BCAS3: variants seen among roughly 807,000 people sequenced by gnomAD.
BCAS3 encodes BCAS3 microtubule associated cell migration factor, also known as BCAS4/BCAS3 fusion.
BCAS3 carries 53 observed loss-of-function variants against 116.1 expected under a neutral mutation model. The ratio of observed to expected loss-of-function variants is 0.46; its 90% CI spans 0.37 to 0.57. The LOEUF is 0.57. BCAS3 is among the 20% of genes least tolerant of loss of function. The pLI is 0.00. For missense variants in BCAS3, 917 were observed against 1,165.4 expected (o/e 0.79, Z 3.10); for synonymous variants, 391 against 408.2 (o/e 0.96, Z 0.51).
chr17:61,286,232 C>T lies in BCAS3; in HGVS notation c.2426-82095C>T, dbSNP rs2051763044. Among the ~76,000 whole-genome samples the T allele has an allele frequency of 6.6e-6, 1 of 152,126 alleles. No individual in the cohort carries two copies. The highest frequency in any genetic ancestry group is 6.5e-5 in the Admixed American group (1 of 15,272). ...CTTGGGGAGCCTGCAGGGCGGGGTG[C>T]GGAGGGTCTGCGGGGGTGGGGCGCT... On this transcript the variant is annotated intron_variant, in intron 22 of 23. Transcript: ENST00000407086. The surrounding 1 kb of genome is among the most constrained non-coding windows in gnomAD (Gnocchi z 4.8).
chr17:61,274,415 A>G (rs2050602049), intron 22 of BCAS3, among the ~76,000 whole-genome samples: 1 of 149,778 alleles, frequency 6.7e-6, no homozygotes, highest in African/African-American at 2.5e-5. Context: ...CAGCCTCCTG[A>G]GTAGCTGGGA....
intron 14 of BCAS3, among the ~76,000 whole-genome samples, chr17:60,977,718 G>C (rs1488184455): frequency 7.1e-6 from 1 of 141,564 alleles, no homozygotes. Context: ...TGTTCTCATT[G>C]TTCAATTCCC....
chr17:60,977,016 G>T (rs960004869), intron 14 of BCAS3, among the ~76,000 whole-genome samples: 2 of 151,828 alleles, frequency 1.3e-5, no homozygotes, highest in Non-Finnish European at 2.9e-5. Flanking sequence ...CGGGGCGGCC[G>T]GGCAGAGGCG....
intron 14 of BCAS3, among the ~76,000 whole-genome samples, chr17:60,978,875 T>C (rs1461360103): frequency 7.0e-6 from 1 of 142,496 alleles, no homozygotes; most frequent in African/African-American, 2.6e-5. Context: ...TCTGTTTTGG[T>C]ACCAGTACCA....
chr17:60,683,505 CTTTTTTTTTTTTTTTTTTTTTT>C (rs138663451), intron 2 of BCAS3, among the ~76,000 whole-genome samples: 33 of 44,490 alleles, frequency 7.4e-4, no homozygotes, highest in South Asian at 5.2e-3. Flanking sequence ...AAGAGTTAGC[CTTTTTTTTTTTTTTTTTTTTTT>C]TTTTTTTTTT....
At chr17:60,955,167 A>AT (rs1180334815) in intron 14 of BCAS3, among the ~76,000 whole-genome samples, 2 of 152,012 alleles carry the variant, frequency 1.3e-5, no homozygotes, top group Non-Finnish European at 2.9e-5. Flanking sequence ...AGGCAGATAC[A>AT]TTTTTTTCCT....
rs1343970672 is a variant in BCAS3 at position 61,366,881 on chromosome 17, C to T, written c.2426-1446C>T. Among the ~76,000 whole-genome samples, 3 of 152,206 alleles carry T rather than the reference C, an allele frequency of 2.0e-5. No individual in the cohort carries two copies. The highest frequency in any genetic ancestry group is 7.2e-5 in the African/African-American group (3 of 41,464). On this transcript the variant is annotated intron_variant, in intron 22 of 23. Transcript: ENST00000407086. The surrounding 1 kb of genome is among the most constrained non-coding windows in gnomAD (Gnocchi z 4.5). ...TGCCACACATATAAATCGCAGCAGG[C>T]TGGCCAAGGGCCTTTGTCTGGCCAG...
chr17:61,004,133 T>A lies in BCAS3; in HGVS notation c.1487-11618T>A, dbSNP rs1261855605. 2.0e-5 allele frequency among the ~76,000 whole-genome samples: 3 copies of A among 152,194 alleles called. No homozygotes were observed. Among genetic ancestry groups the A allele is most frequent in the Admixed American group, 2.0e-4 (3 of 15,264 alleles). ...ATTTGGAGAACCTGTTTGCATTTGA[T>A]TATTGTCTTACTTCCCTAGTTAGGA... On this transcript the variant is annotated intron_variant, in intron 15 of 23. Transcript: ENST00000407086. This position sits in a 1 kb window ranked among gnomAD's most constrained non-coding sequence, Gnocchi z 4.8.
intron 16 of BCAS3, among the ~76,000 whole-genome samples, chr17:61,025,581 T>C (rs1200178789): frequency 1.3e-5 from 2 of 152,174 alleles, no homozygotes; most frequent in African/African-American, 4.8e-5. Context: ...AATGTATTTC[T>C]ATGGGTTCAC....
chr17:60,682,579 G>A (rs1874214), intron 2 of BCAS3, among the ~76,000 whole-genome samples: 7,217 of 152,152 alleles, frequency 0.047, 603 homozygotes, highest in African/African-American at 0.16. Context: ...CTGGAGTGCA[G>A]TGGCGCGGTC....
chr17:60,707,182 C>T (rs1321084553), intron 4 of BCAS3, among the ~76,000 whole-genome samples: 2 of 151,830 alleles, frequency 1.3e-5, no homozygotes, highest in Non-Finnish European at 2.9e-5. Context: ...CAGTAGAGAC[C>T]GGGTTTCTCC....
intron 22 of BCAS3, among the ~76,000 whole-genome samples, chr17:61,147,073 C>A (rs983683446): frequency 6.6e-6 from 1 of 151,592 alleles, no homozygotes; most frequent in Non-Finnish European, 1.5e-5. Flanking sequence ...CACCACCATG[C>A]CTGGCTAATT....
chr17:60,771,315 G>A (rs913476258), intron 6 of BCAS3, among the ~76,000 whole-genome samples: 3 of 151,890 alleles, frequency 2.0e-5, no homozygotes, highest in African/African-American at 7.3e-5. Flanking sequence ...TCTAGACTAA[G>A]GGTGAAATGC....
intron 4 of BCAS3, among the ~76,000 whole-genome samples, chr17:60,698,886 T>TGGTGTATA (rs2036000970): frequency 6.6e-6 from 1 of 152,054 alleles, no homozygotes; most frequent in Non-Finnish European, 1.5e-5. Flanking sequence ...TGAAACCCCA[T>TGGTGTATA]CTTTACTAAG....
chr17:61,102,119 A>G (rs748404628), intron 22 of BCAS3, among the ~76,000 whole-genome samples: 1 of 152,144 alleles, frequency 6.6e-6, no homozygotes, highest in Non-Finnish European at 1.5e-5. Context: ...AAAAATAGCT[A>G]TATGCAAATT....
chr17:61,151,476 T>C lies in BCAS3; in HGVS notation c.2425+66912T>C, dbSNP rs59422870. Among the ~76,000 whole-genome samples the C allele has an allele frequency of 1.6e-5, 2 of 127,366 alleles. No homozygotes were observed. The highest frequency in any genetic ancestry group is 4.3e-4 in the South Asian group (2 of 4,654). The allele number at this position is 127,366 out of a possible 152,430, so 83.6% of individuals were successfully genotyped here. A position where few individuals can be genotyped will look rare whatever the true frequency, so the allele number is the denominator to read the frequency against. On this transcript the variant is annotated intron_variant, in intron 22 of 23. Coordinates refer to ENST00000407086, the MANE Select transcript of BCAS3 (RefSeq NM_017679.5). This position sits in a 1 kb window ranked among gnomAD's most constrained non-coding sequence, Gnocchi z 4.8. ...AACATCTCTTTCATTCAACGTTTTC[T>C]TTTTTTTTTGAGATAGGGTTTCACT...
intron 2 of BCAS3, among the ~76,000 whole-genome samples, chr17:60,683,362 T>A (rs2033473768): frequency 6.6e-6 from 1 of 152,144 alleles, no homozygotes; most frequent in Non-Finnish European, 1.5e-5. Flanking sequence ...TTAGAAGCTA[T>A]CTCTATCAAA....
intron 14 of BCAS3, among the ~76,000 whole-genome samples, chr17:60,970,336 C>A (rs2061890169): frequency 1.3e-5 from 2 of 151,300 alleles, no homozygotes; most frequent in African/African-American, 4.9e-5. Context: ...GGCAGAAGCA[C>A]AAGAAAAAGA....
intron 19 of BCAS3, among the ~76,000 whole-genome samples, chr17:61,052,715 CTTTT>C (rs60772345): frequency 8.0e-6 from 1 of 124,944 alleles, no homozygotes; most frequent in Non-Finnish European, 1.7e-5. Context: ...TTCTTTCTTT[CTTTT>C]TTTTTTTTTT....
Sources: gnomAD v4.1 joint callset for allele counts (sites outside exome capture counted in the v4.1 genomes callset) on GRCh38, gnomAD v4.1.1 for gene constraint, Gnocchi (gnomAD v3.1) non-coding constraint, MANE v1.5 for transcripts, NCBI Gene and HGNC (gene_info 2026-07-23, HGNC 2026-07-21) for gene names.